SP6: variants seen among roughly 807,000 people sequenced by gnomAD.
The protein encoded by SP6 is transcription factor Sp6.
SP6 carries 10 observed loss-of-function variants against 23.4 expected under a neutral mutation model. The observed-to-expected ratio is 0.43, with a 90% CI of 0.26 to 0.72. The LOEUF (loss-of-function observed/expected upper bound fraction) is 0.72. SP6 is among the 30% of genes least tolerant of loss of function. The probability of loss-of-function intolerance (pLI) is 0.23; values close to 1 mark genes in which losing one functional copy is unlikely to be tolerated. For synonymous variants in SP6, 238 were observed against 238.7 expected, an observed-to-expected ratio of 1.00 and a Z score of 0.03; for missense variants, 482 against 523.8, an observed-to-expected ratio of 0.92 and a Z score of 0.78.
At chr17:47,855,464 C>A (rs978000605), upstream of SP6, among the ~76,000 whole-genome samples, 9 of 152,178 alleles carry the variant, frequency 5.9e-5, no homozygotes, top group Admixed American at 3.9e-4. Context: ...GCTGACTACC[C>A]CAGCCCAGTC....
At chr17:47,872,928 G>A in the SP6 span, among the ~76,000 whole-genome samples, 1 of 152,210 alleles carries the variant, frequency 6.6e-6, no homozygotes, top group African/African-American at 2.4e-5. Flanking sequence ...GACCGGGGCT[G>A]GAGAGGGCGG....
chr17:47,860,214 CT>C (rs1251119206), upstream of SP6, among the ~76,000 whole-genome samples: 2 of 152,212 alleles, frequency 1.3e-5, no homozygotes, highest in African/African-American at 4.8e-5. Flanking sequence ...GTGAAATGCT[CT>C]TCCCCATTTC....
chr17:47,873,039 T>G, the SP6 span, among the ~76,000 whole-genome samples: 1 of 152,176 alleles, frequency 6.6e-6, no homozygotes, highest in Non-Finnish European at 1.5e-5. Context: ...CTCAGGCAGG[T>G]GGGGAAACCA....
At chr17:47,856,811 C>T (rs1196945518), upstream of SP6, among the ~76,000 whole-genome samples, 1 of 151,984 alleles carries the variant, frequency 6.6e-6, no homozygotes, top group East Asian at 1.9e-4. Flanking sequence ...CAGTTGTACC[C>T]CCTCTACACA....
chr17:47,861,472 C>T, the SP6 span, among the ~76,000 whole-genome samples: 1 of 152,216 alleles, frequency 6.6e-6, no homozygotes, highest in Non-Finnish European at 1.5e-5. Context: ...GTGGCTTATG[C>T]CTGTAATCCC....
chr17:47,851,659 T>C (rs1472336967), upstream of SP6, among the ~76,000 whole-genome samples: 1 of 152,110 alleles, frequency 6.6e-6, no homozygotes, highest in Non-Finnish European at 1.5e-5. Context: ...CCTCTAGGCC[T>C]AGGCCGTGTG....
chr17:47,872,865 A>T, the SP6 span, among the ~76,000 whole-genome samples: 1 of 152,204 alleles, frequency 6.6e-6, no homozygotes, highest in South Asian at 2.1e-4. Context: ...AGCCTCCCAC[A>T]AGGCATCCAG....
the SP6 span, among the ~76,000 whole-genome samples, chr17:47,862,416 G>A: frequency 2.3e-3 from 345 of 148,976 alleles, 1 homozygote; most frequent in African/African-American, 7.9e-3. Flanking sequence ...GCTGAGGCAC[G>A]AGAATCGTTT....
Position 47,847,172 on chromosome 17 carries a change from A to G in SP6, c.*127T>C, listed in dbSNP as rs761131271. The G allele has an allele frequency of 4.3e-4, 434 of 1,017,776 alleles. 1 individual carries two copies. Among genetic ancestry groups the G allele is most frequent in the Non-Finnish European group, 5.6e-4 (399 of 718,596 alleles). The allele number at this position is 1,017,776 out of a possible 1,614,324, so 63.0% of individuals were successfully genotyped here. The stretch of plus-strand genomic sequence containing the variant: ...CGCCCCATCTCCCTGTCCCTGCACC[A>G]CTTTTCCTCCTCCCTGAATAAATAC... On this transcript the variant is annotated 3_prime_UTR_variant, in exon 2 of 2. Transcript: ENST00000536300.
rs994261603 is a variant in SP6, at chr17:47,846,196, A to G, written c.*1103T>C. ...GCAAGGGAAAGACAAGGGCCAAGCT[A>G]GAGAGACAGTGGGGTTTATTTTCTT... On this transcript the variant is annotated 3_prime_UTR_variant, in exon 2 of 2. Coordinates refer to ENST00000536300, the MANE Select transcript of SP6 (RefSeq NM_001258248.2). 11 of 152,216 alleles carry G rather than the reference A, an allele frequency of 7.2e-5. No homozygotes were observed. The highest frequency in any genetic ancestry group is 2.7e-4 in the African/African-American group (11 of 41,432). 9.4% of individuals were successfully genotyped at this position (152,216 alleles called of 1,614,324 possible).
the SP6 span, among the ~76,000 whole-genome samples, chr17:47,865,490 A>T: frequency 6.6e-6 from 1 of 152,136 alleles, no homozygotes; most frequent in Non-Finnish European, 1.5e-5. Flanking sequence ...CCTGCCTCCA[A>T]GCCACCCTGG....
chr17:47,863,738 ATT>A, the SP6 span, among the ~76,000 whole-genome samples: 277 of 98,754 alleles, frequency 2.8e-3, 1 homozygote, highest in African/African-American at 9.1e-3. Flanking sequence ...CTAATTTTGT[ATT>A]TTTTTTTTTT....
rs2033892691 is a variant in SP6, at chr17:47,847,028, C to T, written c.*271G>A. On this transcript the variant is annotated 3_prime_UTR_variant, in exon 2 of 2. Transcript: ENST00000536300. Reference sequence around the variant, plus strand: ...GCGGTACGGGTGTCCCACCCCAACCCCCCAGCCCAGGGGCGAGGGAAACTG... The same window carrying T: ...GCGGTACGGGTGTCCCACCCCAACCTCCCAGCCCAGGGGCGAGGGAAACTG... 4.2e-6 allele frequency: 2 copies of T among 471,882 alleles called. No individual in the cohort carries two copies. Among genetic ancestry groups the T allele is most frequent in the East Asian group, 3.5e-5 (1 of 28,804 alleles). The allele number at this position is 471,882 out of a possible 1,614,324, so 29.2% of individuals were successfully genotyped here.
At chr17:47,858,767 CTTTTTTTTTT>C (rs36092685), upstream of SP6, among the ~76,000 whole-genome samples, 6 of 92,662 alleles carry the variant, frequency 6.5e-5, no homozygotes, top group Non-Finnish European at 1.2e-4. Context: ...GATGAAGCAT[CTTTTTTTTTT>C]TTTTTTTTTT....
the SP6 span, among the ~76,000 whole-genome samples, chr17:47,875,468 C>G: frequency 6.6e-6 from 1 of 152,216 alleles, no homozygotes; most frequent in East Asian, 1.9e-4. Context: ...CGGTGCCTCC[C>G]TCCTCCAGGT....
chr17:47,875,720 T>G, the SP6 span, among the ~76,000 whole-genome samples: 61 of 152,242 alleles, frequency 4.0e-4, no homozygotes, highest in African/African-American at 1.4e-3. Context: ...TCCTTGCTTG[T>G]GCATTCCTGG....
the SP6 span, among the ~76,000 whole-genome samples, chr17:47,871,476 ATTGT>A: frequency 6.6e-6 from 1 of 152,174 alleles, no homozygotes; most frequent in African/African-American, 2.4e-5. Flanking sequence ...TGTGATTATA[ATTGT>A]TTGTTCTAGG....
At position 47,848,200 on chromosome 17, in the gene SP6, G is replaced by T. The variant is rs756864605; in HGVS notation, c.230C>A (p.Thr77Asn). 86 of 1,612,876 alleles carry T rather than the reference G, an allele frequency of 5.3e-5. 1 individual carries two copies. The Admixed American group carries it at 1.3e-3, about 25-fold the overall frequency. Residue 77 changes from threonine (T) to asparagine (N), a missense_variant, in exon 2 of 2, where the codon ACC becomes AAC. This residue lies in a region of SP6 where 330 missense variants were observed against 332.3 expected (regional missense o/e 0.99). Transcript: ENST00000536300. This position sits in a 1 kb window ranked among gnomAD's most constrained non-coding sequence, Gnocchi z 5.3. ...YELPGASSRVTCEDLESDSPL... is the reference protein window; with the variant it reads ...YELPGASSRVNCEDLESDSPL... The stretch of plus-strand genomic sequence containing the variant: ...ACTGTCGCTTTCCAGGTCCTCGCAG[G>T]TTACCCGCGAGGAGGCCCCTGGCAG...
intron 1 of SP6, among the ~76,000 whole-genome samples, chr17:47,849,779 T>A (rs946881267): frequency 2.0e-5 from 3 of 152,214 alleles, no homozygotes; most frequent in Non-Finnish European, 4.4e-5. Context: ...ATCTGTGGCT[T>A]GAAGTTCACT....
Sources: allele counts gnomAD v4.1 joint callset (sites outside exome capture counted in the v4.1 genomes callset), GRCh38; gene constraint gnomAD v4.1.1; regional missense constraint gnomAD v4.1.1; non-coding constraint Gnocchi (gnomAD v3.1); transcripts MANE v1.5; gene names NCBI Gene and HGNC (gene_info 2026-07-23, HGNC 2026-07-21).